The following FRMPD4 variants were observed in gnomAD, a reference collection of about 807,000 sequenced individuals.
FRMPD4 encodes FERM and PDZ domain-containing protein 4.
A neutral mutation model predicts 94.1 loss-of-function variants in FRMPD4; 22 were observed. The observed-to-expected ratio is 0.23, with a 90% CI of 0.17 to 0.33. The LOEUF is 0.33. Ranked by LOEUF, FRMPD4 falls within the 10% of genes least tolerant of loss-of-function variation. The pLI is 1.00. For missense variants in FRMPD4, 1,111 were observed against 1,339.9 expected, an observed-to-expected ratio of 0.83 and a Z score of 2.67; for synonymous variants, 631 against 548.6, an observed-to-expected ratio of 1.15 and a Z score of -2.10.
intron 1 of FRMPD4, 169 bp from the exon 2 acceptor site, chrX:12,498,511 A>G: frequency 1.6e-5 from 8 of 505,559 alleles, no homozygotes; most frequent in South Asian, 5.2e-5. Flanking sequence ...TGCTGAATTG[A>G]AGTTGTAAAC....
intron 1 of FRMPD4, among the ~76,000 whole-genome samples, chrX:12,438,679 A>G (rs1244713331): frequency 3.6e-5 from 4 of 111,184 alleles, no homozygotes; most frequent in African/African-American, 6.6e-5. Context: ...TGCTCAATAC[A>G]TATTTGCTTA....
chrX:12,551,204 T>C (rs934194773), intron 2 of FRMPD4, among the ~76,000 whole-genome samples: 4 of 110,611 alleles, frequency 3.6e-5, no homozygotes, highest in Admixed American at 2.9e-4. Flanking sequence ...GAGAGAAGAG[T>C]ACACTGAACT....
At chrX:12,706,746 A>G in intron 11 of FRMPD4, 80 bp from the exon 12 acceptor site, 4 of 504,307 alleles carry the variant, frequency 7.9e-6, no homozygotes, top group Middle Eastern at 3.5e-4. Context: ...TCTATCTTAC[A>G]CTTGTTTTCT....
intron 1 of FRMPD4, among the ~76,000 whole-genome samples, chrX:12,216,645 A>G (rs2056810362): frequency 9.0e-6 from 1 of 111,625 alleles, no homozygotes; most frequent in Non-Finnish European, 1.9e-5. Flanking sequence ...TCCTCAAACC[A>G]TAACCAGGAA....
intron 8 of FRMPD4, among the ~76,000 whole-genome samples, chrX:12,691,977 A>C (rs1018572322): frequency 8.9e-6 from 1 of 111,882 alleles, no homozygotes; most frequent in Non-Finnish European, 1.9e-5. Flanking sequence ...AGCTTATAGC[A>C]ATAAATGCCA....
chrX:11,933,509 T>C (rs755890899), intron 3 of FRMPD4, among the ~76,000 whole-genome samples: 3 of 112,803 alleles, frequency 2.7e-5, no homozygotes, highest in Non-Finnish European at 5.6e-5. Context: ...AAAAAGCCAG[T>C]AGAATATCAA....
At chrX:12,134,805 C>CT (rs11439406), upstream of FRMPD4, among the ~76,000 whole-genome samples, 9,344 of 112,234 alleles carry the variant, frequency 0.083, 326 homozygotes, top group African/African-American at 0.098. Flanking sequence ...CAGGCTGAAA[C>CT]TTTTCCTACC....
chrX:12,263,113 A>G (rs2054217891), intron 1 of FRMPD4, among the ~76,000 whole-genome samples: 3 of 111,950 alleles, frequency 2.7e-5, no homozygotes, highest in Non-Finnish European at 5.6e-5. Context: ...TAAAACTACA[A>G]CAGTAATGAG....
chrX:12,183,164 C>T (rs1331716851), intron 1 of FRMPD4, among the ~76,000 whole-genome samples: 1 of 111,402 alleles, frequency 9.0e-6, no homozygotes, highest in Non-Finnish European at 1.9e-5. Context: ...ATAGAAAGTG[C>T]TTGCCTCCCT....
chrX:12,072,125 G>GACA (rs2054974184), intron 3 of FRMPD4, among the ~76,000 whole-genome samples: 1 of 111,195 alleles, frequency 9.0e-6, no homozygotes, highest in Non-Finnish European at 1.9e-5. Context: ...TCAGTAGCTG[G>GACA]GACTACAGGC....
intron 1 of FRMPD4, among the ~76,000 whole-genome samples, chrX:12,281,787 A>C (rs1302930426): frequency 8.9e-6 from 1 of 112,008 alleles, no homozygotes; most frequent in African/African-American, 3.2e-5. Flanking sequence ...CATCTTATTT[A>C]ATTATCATTC....
intron 3 of FRMPD4, among the ~76,000 whole-genome samples, chrX:11,989,936 T>A (rs1433208882): frequency 3.6e-5 from 4 of 111,637 alleles, no homozygotes. Context: ...ATTACCAGAA[T>A]ACCCCGTGAT....
At chrX:12,572,132 C>T (rs1159486862) in intron 2 of FRMPD4, among the ~76,000 whole-genome samples, 1 of 112,197 alleles carries the variant, frequency 8.9e-6, no homozygotes, top group African/African-American at 3.2e-5. Flanking sequence ...CATTATATAC[C>T]GCTTTGGGAG....
At chrX:12,276,746 A>G (rs2054443093) in intron 1 of FRMPD4, among the ~76,000 whole-genome samples, 2 of 111,729 alleles carry the variant, frequency 1.8e-5, no homozygotes, top group South Asian at 7.6e-4. Context: ...CTTGGCTGAG[A>G]GGAGGGGTCC....
At chrX:12,299,173 G>A (rs1424408894) in intron 1 of FRMPD4, among the ~76,000 whole-genome samples, 1 of 111,267 alleles carries the variant, frequency 9.0e-6, no homozygotes, top group Admixed American at 9.6e-5. Context: ...TTGTACTTTA[G>A]AAATATAAGT....
At chrX:12,047,079 G>T (rs1363146131) in intron 3 of FRMPD4, among the ~76,000 whole-genome samples, 1 of 107,872 alleles carries the variant, frequency 9.3e-6, no homozygotes, top group African/African-American at 3.4e-5. Context: ...ATTTATACAT[G>T]GTTATATATA....
intron 3 of FRMPD4, among the ~76,000 whole-genome samples, chrX:11,968,240 T>G (rs991797694): frequency 9.0e-6 from 1 of 111,622 alleles, no homozygotes; most frequent in Non-Finnish European, 1.9e-5. Context: ...AAAGCTACTG[T>G]TATGTGTCAT....
At chrX:12,459,860 G>A (rs146343742) in intron 1 of FRMPD4, among the ~76,000 whole-genome samples, 1,605 of 111,680 alleles carry the variant, frequency 0.014, 18 homozygotes, top group African/African-American at 0.046. Context: ...TTGACTTCAT[G>A]AGATATTACC....
At chrX:11,975,643 GGT>G (rs2054363426) in intron 3 of FRMPD4, among the ~76,000 whole-genome samples, 1 of 110,752 alleles carries the variant, frequency 9.0e-6, no homozygotes, top group Non-Finnish European at 1.9e-5. Flanking sequence ...TTCTATTTCT[GGT>G]GAGTAATGAG....
Sources: allele counts gnomAD v4.1 joint callset (sites outside exome capture counted in the v4.1 genomes callset), GRCh38; gene constraint gnomAD v4.1.1; transcripts MANE v1.5; gene names NCBI Gene and HGNC (gene_info 2026-07-23, HGNC 2026-07-21).